The following EGFLAM variants were observed in gnomAD, a reference collection of about 807,000 sequenced individuals.
The protein encoded by EGFLAM is EGF like, fibronectin type III and laminin G domains, also known as pikachurin.
EGFLAM carries 79 observed loss-of-function variants against 113.1 expected under a neutral mutation model. That is an observed-to-expected ratio of 0.70 (90% CI 0.58 to 0.84). The LOEUF (loss-of-function observed/expected upper bound fraction) is 0.84, where lower values mean the gene tolerates loss of function less well. Ranked by LOEUF, EGFLAM falls within the 40% of genes least tolerant of loss-of-function variation. EGFLAM has a pLI of 0.00. For synonymous variants in EGFLAM, 504 were observed against 487.6 expected (o/e 1.03, Z -0.44); for missense variants, 1,265 against 1,291.6 (o/e 0.98, Z 0.32).
At chr5:38,411,085 CAAA>C (rs1741461372) in intron 10 of EGFLAM, among the ~76,000 whole-genome samples, 2 of 152,176 alleles carry the variant, frequency 1.3e-5, no homozygotes, top group East Asian at 3.9e-4. Flanking sequence ...TTTTCAGAAA[CAAA>C]GAAGGCTAAA....
Position 38,348,349 on chromosome 5 carries a change from G to A in EGFLAM, c.292-2152G>A, listed in dbSNP as rs561000641. On this transcript the variant is annotated intron_variant, in intron 3 of 21. Coordinates refer to ENST00000322350, the MANE Select transcript of EGFLAM (RefSeq NM_152403.4). The stretch of plus-strand genomic sequence containing the variant: ...GGAGAAGAGAAGATGGTGACAGGGC[G>A]AAATCCTGGGAAAGACCAATCCTTA... 5.3e-5 allele frequency among the ~76,000 whole-genome samples: 8 copies of A among 152,192 alleles called. No homozygotes were observed. The South Asian group carries it at 6.2e-4, about 12-fold the overall frequency.
At chr5:38,295,527 C>T (rs1758433513) in intron 1 of EGFLAM, among the ~76,000 whole-genome samples, 2 of 152,116 alleles carry the variant, frequency 1.3e-5, no homozygotes, top group Non-Finnish European at 2.9e-5. Flanking sequence ...GGTTAGAAGA[C>T]TCTCATTATT....
At chr5:38,402,605 T>G (rs1321842291) in intron 6 of EGFLAM, among the ~76,000 whole-genome samples, 1 of 152,212 alleles carries the variant, frequency 6.6e-6, no homozygotes, top group African/African-American at 2.4e-5. Flanking sequence ...TTATAAAGTC[T>G]TCAATTTTAG....
At chr5:38,321,264 G>T (rs1293752916) in intron 1 of EGFLAM, among the ~76,000 whole-genome samples, 1 of 152,090 alleles carries the variant, frequency 6.6e-6, no homozygotes, top group African/African-American at 2.4e-5. Flanking sequence ...TCACAATAGG[G>T]TTCGTGCTCC....
intron 15 of EGFLAM, 103 bp from the exon 16 acceptor site, chr5:38,435,034 C>G: frequency 1.1e-6 from 1 of 917,782 alleles, no homozygotes; most frequent in South Asian, 1.5e-5. Context: ...TCTCTAGGCT[C>G]TGTCTACCAT....
chr5:38,292,865 C>A (rs1052486637), intron 1 of EGFLAM, among the ~76,000 whole-genome samples: 2 of 152,160 alleles, frequency 1.3e-5, no homozygotes, highest in African/African-American at 4.8e-5. Flanking sequence ...TGAGGTAAGT[C>A]AGAGTTTCTA....
intron 17 of EGFLAM, among the ~76,000 whole-genome samples, chr5:38,443,989 T>G (rs1742629283): frequency 6.6e-6 from 1 of 152,092 alleles, no homozygotes; most frequent in Non-Finnish European, 1.5e-5. Flanking sequence ...CAGGCTGGTC[T>G]TGAACTCCTG....
intron 17 of EGFLAM, among the ~76,000 whole-genome samples, chr5:38,441,815 G>C (rs772309794): frequency 1.3e-5 from 2 of 152,164 alleles, no homozygotes; most frequent in Non-Finnish European, 1.5e-5. Flanking sequence ...CAAGTCACCT[G>C]GGAAACTAAG....
At chr5:38,395,942 CG>C (rs1389806910) in intron 6 of EGFLAM, among the ~76,000 whole-genome samples, 1 of 152,092 alleles carries the variant, frequency 6.6e-6, no homozygotes, top group Non-Finnish European at 1.5e-5. Flanking sequence ...AGGACACAAA[CG>C]TGTGTTCTCT....
At chr5:38,383,783 G>A (rs1740582446) in intron 6 of EGFLAM, among the ~76,000 whole-genome samples, 1 of 151,920 alleles carries the variant, frequency 6.6e-6, no homozygotes. Context: ...TAGGCTATCA[G>A]GGAAGGCTTC....
At chr5:38,461,805 C>T (rs190025616) in intron 20 of EGFLAM, among the ~76,000 whole-genome samples, 365 of 152,268 alleles carry the variant, frequency 2.4e-3, no homozygotes, top group Non-Finnish European at 3.6e-3. Flanking sequence ...AAGCCCTTGC[C>T]ACCAATGAAC....
At chr5:38,419,045 C>T (rs961153448) in intron 12 of EGFLAM, among the ~76,000 whole-genome samples, 1 of 152,140 alleles carries the variant, frequency 6.6e-6, no homozygotes, top group Non-Finnish European at 1.5e-5. Flanking sequence ...GGAGAGGCCT[C>T]TCTCCTTGGC....
At chr5:38,332,558 C>A (rs539721598) in intron 1 of EGFLAM, among the ~76,000 whole-genome samples, 1 of 152,308 alleles carries the variant, frequency 6.6e-6, no homozygotes, top group Non-Finnish European at 1.5e-5. Context: ...AGTGGGAAAT[C>A]AGGGGACTCA....
At chr5:38,358,691 G>A (rs1342806763) in intron 5 of EGFLAM, among the ~76,000 whole-genome samples, 1 of 152,108 alleles carries the variant, frequency 6.6e-6, no homozygotes, top group Non-Finnish European at 1.5e-5. Context: ...TCAGAGAAGA[G>A]CTTGGTCTCA....
Position 38,350,604 on chromosome 5 carries a change from C to A in EGFLAM, c.395C>A (p.Thr132Asn), listed in dbSNP as rs772420859. The change falls in exon 4 of 22, where the codon ACC becomes AAC. Residue 132 changes from threonine (T) to asparagine (N), a missense_variant. Physicochemically the swap from Thr to Asn is moderately conservative, Grantham distance 65. Transcript: ENST00000322350. ...CGGCTGAGCTCTCCTCGGCATGTCACCACTTTGTCCCAAGGTAAAGTAGGT... is the reference window on the plus strand; with the variant it reads ...CGGCTGAGCTCTCCTCGGCATGTCAACACTTTGTCCCAAGGTAAAGTAGGT... ...KGRLSSPRHV[T>N]TLSQDSCLPP... 8 of 1,613,910 alleles carry A rather than the reference C, an allele frequency of 5.0e-6. No individual in the cohort carries two copies. Among genetic ancestry groups the A allele is most frequent in the Middle Eastern group, 1.7e-4 (1 of 6,060 alleles).
chr5:38,280,956 G>C (rs144015543), intron 1 of EGFLAM, among the ~76,000 whole-genome samples: 21 of 152,314 alleles, frequency 1.4e-4, no homozygotes, highest in Middle Eastern at 3.4e-3. Context: ...TAACTATAGT[G>C]TAAGAGAAAC....
intron 1 of EGFLAM, among the ~76,000 whole-genome samples, chr5:38,318,253 G>GTATAGTATACTATAGTATACTATCTAAC (rs1320241689): frequency 2.0e-5 from 3 of 151,264 alleles, no homozygotes; most frequent in Non-Finnish European, 4.4e-5. Flanking sequence ...TATGGTGATA[G>GTATAGTATACTATAGTATACTATCTAAC]TATAGTATAC....
At chr5:38,356,999 TA>T (rs1739779313) in intron 5 of EGFLAM, among the ~76,000 whole-genome samples, 3 of 152,228 alleles carry the variant, frequency 2.0e-5, no homozygotes, top group South Asian at 4.2e-4. Context: ...AGTGCCATTA[TA>T]AAAAAAGCCC....
chr5:38,367,609 T>C (rs1014364412), intron 5 of EGFLAM, among the ~76,000 whole-genome samples: 5 of 152,182 alleles, frequency 3.3e-5, no homozygotes, highest in African/African-American at 1.2e-4. Flanking sequence ...CTTCTCACCC[T>C]CTGGCCTTTT....
Sources: allele counts gnomAD v4.1 joint callset (sites outside exome capture counted in the v4.1 genomes callset), GRCh38; gene constraint gnomAD v4.1.1; transcripts MANE v1.5; gene names NCBI Gene and HGNC (gene_info 2026-07-23, HGNC 2026-07-21).